The following NUP85 variants were observed in gnomAD, a reference collection of about 807,000 sequenced individuals.
NUP85 encodes nuclear pore complex protein Nup85.
NUP85 carries 23 observed loss-of-function variants against 92.8 expected under a neutral mutation model. The ratio of observed to expected loss-of-function variants is 0.25; its 90% confidence interval spans 0.18 to 0.35. The LOEUF (loss-of-function observed/expected upper bound fraction) is 0.35. Among genes scored for constraint, NUP85 ranks in the 10% least tolerant of loss-of-function variants. NUP85 has a pLI of 1.00. For synonymous variants in NUP85, 314 were observed against 306.9 expected (o/e 1.02, Z -0.24); for missense variants, 759 against 822.8 (o/e 0.92, Z 0.95).
intron 7 of NUP85, among the ~76,000 whole-genome samples, chr17:75,224,000 C>T (rs1484654725): frequency 2.0e-5 from 3 of 152,098 alleles, no homozygotes; most frequent in Non-Finnish European, 4.4e-5. Context: ...TCCAGTCCCT[C>T]CTCTTGGGGT....
chr17:75,231,367 G>T lies in NUP85; in HGVS notation c.1122G>T (p.Val374=). 1 of 1,614,174 alleles carries T rather than the reference G, an allele frequency of 6.2e-7. No homozygotes were observed. Among genetic ancestry groups the T allele is most frequent in the Non-Finnish European group, 8.5e-7 (1 of 1,180,026 alleles). The change falls in exon 12 of 19, where the codon GTG becomes GTT. Residue 374 remains valine, a synonymous_variant. Coordinates refer to ENST00000245544, the MANE Select transcript of NUP85 (RefSeq NM_024844.5). This position sits in a 1 kb window ranked among gnomAD's most constrained non-coding sequence, Gnocchi z 4.6. ...TCGCCCTGAGCAACTGGTGGTTTGT[G>T]GCCCACCTGACAGACCTGCTGGACC... is the stretch of plus-strand genomic sequence containing the variant. ...CSIALSNWWF[V]AHLTDLLDHC...
chr17:75,222,045 GT>G (rs1464119711), intron 7 of NUP85, among the ~76,000 whole-genome samples: 1 of 26,766 alleles, frequency 3.7e-5, no homozygotes, highest in Non-Finnish European at 2.7e-4. Flanking sequence ...GTTTTGTTTT[GT>G]TTGTTTGTTT....
Position 75,224,883 on chromosome 17 carries a change from T to A in NUP85, c.598-220T>A, listed in dbSNP as rs374541252. Among the ~76,000 whole-genome samples the A allele has an allele frequency of 2.0e-5, 3 of 151,712 alleles. No individual in the cohort carries two copies. The East Asian group carries it at 5.8e-4, about 29-fold the overall frequency. On this transcript the variant is annotated intron_variant, in intron 7 of 18. Transcript: ENST00000245544. ...CTATAATGGACTACAGCTGGCTGTT[T>A]GAAAAACATAGTGGAGGTGACAAAG...
Position 75,221,110 on chromosome 17 carries a change from G to A in NUP85, c.597+2804G>A, listed in dbSNP as rs191076108. ...ATGTTAGCCAGGATGGTCTCGATCT[G>A]ACCTTGTGATCTGCCTGCCTTGGCC... On this transcript the variant is annotated intron_variant, in intron 7 of 18. Coordinates refer to ENST00000245544, the MANE Select transcript of NUP85 (RefSeq NM_024844.5). 2.6e-5 allele frequency among the ~76,000 whole-genome samples: 4 copies of A among 152,180 alleles called. No homozygotes were observed. The East Asian group carries it at 7.7e-4, about 29-fold the overall frequency.
At chr17:75,222,576 C>T (rs1343728598) in intron 7 of NUP85, among the ~76,000 whole-genome samples, 1 of 132,244 alleles carries the variant, frequency 7.6e-6, no homozygotes, top group African/African-American at 2.9e-5. Flanking sequence ...GCCTTGAATA[C>T]TGAATTAGTG....
At chr17:75,219,307 C>T (rs977288168) in intron 7 of NUP85, among the ~76,000 whole-genome samples, 2 of 152,166 alleles carry the variant, frequency 1.3e-5, no homozygotes, top group Non-Finnish European at 2.9e-5. Context: ...GACAGGGTTT[C>T]GCTTTGCGGC....
chr17:75,226,188 A>G, intron 11 of NUP85, 31 bp downstream of exon 11: 1 of 1,579,014 alleles, frequency 6.3e-7, no homozygotes, highest in Non-Finnish European at 8.7e-7. Flanking sequence ...CACTGTAACC[A>G]TTTTTAGGTG....
intron 5 of NUP85, among the ~76,000 whole-genome samples, chr17:75,215,226 A>G (rs2075393874): frequency 6.6e-6 from 1 of 152,018 alleles, no homozygotes; most frequent in African/African-American, 2.4e-5. Context: ...TTCTTTTTTT[A>G]AATTTTGAGA....
In NUP85 at chr17:75,231,189, A is replaced by G; in HGVS notation, c.1095-151A>G. 1 of 751,224 alleles carries G rather than the reference A, an allele frequency of 1.3e-6. No individual in the cohort carries two copies. The allele number at this position is 751,224 out of a possible 1,614,324, so 46.5% of individuals were successfully genotyped here. A position where few individuals can be genotyped will look rare whatever the true frequency, so the allele number is the denominator to read the frequency against. ...GGTGATCTGCCTGCCTTGGCCTCCC[A>G]AAGTACTGGGATCACGGGCATGAGC... On this transcript the variant is annotated intron_variant, in intron 11 of 18. Coordinates refer to ENST00000245544, the MANE Select transcript of NUP85 (RefSeq NM_024844.5). The surrounding 1 kb of genome is among the most constrained non-coding windows in gnomAD (Gnocchi z 4.6).
At chr17:75,209,796 A>C in intron 2 of NUP85, 27 bp from the exon 3 acceptor site, 3 of 1,563,384 alleles carry the variant, frequency 1.9e-6, no homozygotes, top group Non-Finnish European at 1.7e-6. Context: ...AATAGATGTT[A>C]AATTTTTTTT....
At chr17:75,208,653 T>G (rs1226305147) in intron 2 of NUP85, 33 bp downstream of exon 2, 11 of 1,212,462 alleles carry the variant, frequency 9.1e-6, no homozygotes, top group Non-Finnish European at 1.3e-5. Flanking sequence ...TTATCCATCT[T>G]GGCACATTTG....
intron 11 of NUP85, among the ~76,000 whole-genome samples, chr17:75,226,589 T>C (rs2075805316): frequency 6.6e-6 from 1 of 152,046 alleles, no homozygotes; most frequent in African/African-American, 2.4e-5. Context: ...TACTATCACA[T>C]TGGCAAAACT....
chr17:75,212,483 T>G (rs1174627760), intron 4 of NUP85, among the ~76,000 whole-genome samples: 1 of 143,492 alleles, frequency 7.0e-6, no homozygotes, highest in Non-Finnish European at 1.5e-5. Context: ...TTTTTTTTTT[T>G]TTTTTTTTTT....
At chr17:75,212,215 G>T (rs2075286233) in intron 4 of NUP85, among the ~76,000 whole-genome samples, 153 bp downstream of exon 4, 6 of 119,138 alleles carry the variant, frequency 5.0e-5, no homozygotes, top group South Asian at 2.8e-4. Context: ...TACTTTTTTG[G>T]TAATCATTTA....
At chr17:75,207,096 G>A (rs2075107835) in intron 1 of NUP85, among the ~76,000 whole-genome samples, 1 of 152,040 alleles carries the variant, frequency 6.6e-6, no homozygotes, top group Non-Finnish European at 1.5e-5. Flanking sequence ...TTATAGGGGC[G>A]ATGTGTATCC....
At chr17:75,205,856 A>T (rs2075061673) in intron 1 of NUP85, 62 bp downstream of exon 1, 2 of 1,580,960 alleles carry the variant, frequency 1.3e-6, no homozygotes, top group East Asian at 4.5e-5. Context: ...CTGCTTAGTT[A>T]CTTCAGGCTT....
In NUP85 at chr17:75,226,161, G is replaced by A. The variant is rs1225130489; in HGVS notation, c.1094+4G>A. The A allele has an allele frequency of 6.2e-7, 1 of 1,610,906 alleles. No individual in the cohort carries two copies. Among genetic ancestry groups the A allele is most frequent in the East Asian group, 2.2e-5 (1 of 44,868 alleles). On this transcript the variant is annotated splice_donor_region_variant and intron_variant, in intron 11 of 18. Transcript: ENST00000245544. ...ATCAAGTAATCAAAGAGTGCAGGTA[G>A]GATCTCTCCCACCCCCCACTGTAAC... is the stretch of plus-strand genomic sequence containing the variant.
At chr17:75,206,592 A>G (rs1479460949) in intron 1 of NUP85, among the ~76,000 whole-genome samples, 1 of 152,108 alleles carries the variant, frequency 6.6e-6, no homozygotes, top group East Asian at 1.9e-4. Context: ...CATTCTTGTG[A>G]GTCGGTGATT....
At chr17:75,213,507 G>A (rs1284731028) in intron 5 of NUP85, among the ~76,000 whole-genome samples, 1 of 151,974 alleles carries the variant, frequency 6.6e-6, no homozygotes, top group African/African-American at 2.4e-5. Flanking sequence ...TGGCCAGGCT[G>A]GTCTTGAACT....
Sources: allele counts gnomAD v4.1 joint callset (sites outside exome capture counted in the v4.1 genomes callset), GRCh38; gene constraint gnomAD v4.1.1; non-coding constraint Gnocchi (gnomAD v3.1); transcripts MANE v1.5; gene names NCBI Gene and HGNC (gene_info 2026-07-23, HGNC 2026-07-21).